Variants in RBFOX1 observed in about 807,000 individuals in gnomAD.
The protein encoded by RBFOX1 is RNA binding fox-1 homolog 1, also known as RNA binding protein fox-1 homolog 1.
RBFOX1 carries 8 observed loss-of-function variants against 57.7 expected under a neutral mutation model. That is an observed-to-expected ratio of 0.14 (90% CI 0.08 to 0.25). RBFOX1 has a LOEUF of 0.25. Ranked by LOEUF, RBFOX1 falls within the 10% of genes least tolerant of loss-of-function variation. The probability of loss-of-function intolerance (pLI) is 1.00; values close to 1 mark genes in which losing one functional copy is unlikely to be tolerated. For missense variants in RBFOX1, 611 were observed against 548.5 expected (o/e 1.11, Z -1.14); for synonymous variants, 326 against 222.4 (o/e 1.47, Z -4.15).
At chr16:7,210,890 G>A (rs1417968149) in intron 4 of RBFOX1, among the ~76,000 whole-genome samples, 2 of 151,716 alleles carry the variant, frequency 1.3e-5, no homozygotes, top group African/African-American at 2.4e-5. Context: ...CAAAAGGGTA[G>A]ATTCTAGGTA....
At chr16:5,709,576 C>G (rs987345386) in intron 3 of RBFOX1, among the ~76,000 whole-genome samples, 2 of 151,434 alleles carry the variant, frequency 1.3e-5, no homozygotes, top group African/African-American at 4.9e-5. Context: ...TCTCCCAGGC[C>G]TCCTCCTGAC....
intron 4 of RBFOX1, among the ~76,000 whole-genome samples, chr16:7,176,851 A>G (rs67122844): frequency 0.21 from 32,222 of 152,160 alleles, 4,100 homozygotes; most frequent in East Asian, 0.42. Flanking sequence ...AAATACAGAA[A>G]TGTAAGACAG....
In RBFOX1 at chr16:6,791,776, C is replaced by G. The variant is rs569165808; in HGVS notation, c.-16+137126C>G. 1.3e-4 allele frequency among the ~76,000 whole-genome samples: 20 copies of G among 152,154 alleles called. 1 individual carries two copies. The highest frequency in any genetic ancestry group is 4.3e-4 in the African/African-American group (18 of 41,546). ...AGTCTGTCTCAAAAAAAGCATCAAA[C>G]CAGGTGCAGGACCCTTTGAGTGGCA... On this transcript the variant is annotated intron_variant, in intron 3 of 15. Coordinates refer to ENST00000550418, the MANE Select transcript of RBFOX1 (RefSeq NM_018723.4).
intron 3 of RBFOX1, among the ~76,000 whole-genome samples, chr16:6,974,333 T>C (rs990700086): frequency 7.2e-6 from 1 of 138,612 alleles, no homozygotes; most frequent in Admixed American, 7.7e-5. Context: ...TTTTTTTCTT[T>C]TTCTTTTTTT....
chr16:7,477,675 A>G (rs528840446), intron 4 of RBFOX1, among the ~76,000 whole-genome samples: 2 of 152,290 alleles, frequency 1.3e-5, no homozygotes, highest in Admixed American at 6.5e-5. Context: ...AGTCCACTGC[A>G]TTGGTTTTAA....
At chr16:6,491,952 T>G (rs1184598071) in intron 2 of RBFOX1, among the ~76,000 whole-genome samples, 2 of 152,196 alleles carry the variant, frequency 1.3e-5, no homozygotes, top group Non-Finnish European at 2.9e-5. Flanking sequence ...TCTTATCATC[T>G]TGGCAAATTA....
chr16:5,267,651 T>A (rs1166194859), intron 1 of RBFOX1, among the ~76,000 whole-genome samples: 2 of 152,222 alleles, frequency 1.3e-5, no homozygotes, highest in East Asian at 3.8e-4. Context: ...TTGAGGAATT[T>A]GGCCACAGTC....
At chr16:7,588,221 G>A (rs7192580) in intron 7 of RBFOX1, among the ~76,000 whole-genome samples, 94,380 of 151,982 alleles carry the variant, frequency 0.62, 30,014 homozygotes, top group Non-Finnish European at 0.69. Context: ...TGGGAGAAGA[G>A]AAAAACAGAA....
chr16:7,593,838 A>G (rs540272938), intron 7 of RBFOX1, among the ~76,000 whole-genome samples: 1 of 152,206 alleles, frequency 6.6e-6, no homozygotes, highest in East Asian at 1.9e-4. Context: ...GTGGATTCTG[A>G]GGTACAGCTG....
chr16:6,909,769 A>T (rs2071080405), intron 3 of RBFOX1, among the ~76,000 whole-genome samples: 1 of 151,990 alleles, frequency 6.6e-6, no homozygotes, highest in Non-Finnish European at 1.5e-5. Context: ...TTTTCTCCCG[A>T]GTGTGGTTCT....
intron 2 of RBFOX1, among the ~76,000 whole-genome samples, chr16:6,578,084 G>A (rs2153967838): frequency 1.3e-5 from 2 of 152,170 alleles, no homozygotes; most frequent in African/African-American, 2.4e-5. Flanking sequence ...AAGGTAATAA[G>A]TTAGTCCTCA....
At position 7,388,644 on chromosome 16, in the gene RBFOX1, CTTTTTTT is replaced by C. The variant is rs61629644; in HGVS notation, c.28-129484_28-129478del. Among the ~76,000 whole-genome samples the C allele has an allele frequency of 2.6e-3, 239 of 92,608 alleles. 2 individuals carry two copies. Among genetic ancestry groups the C allele is most frequent in the South Asian group, 8.0e-3 (18 of 2,254 alleles). 60.8% of individuals were successfully genotyped at this position (92,608 alleles called of 152,430 possible). A position where few individuals can be genotyped will look rare whatever the true frequency, so the allele number is the denominator to read the frequency against. On this transcript the variant is annotated intron_variant, in intron 4 of 15. Transcript: ENST00000550418. The stretch of plus-strand genomic sequence containing the variant: ...CCCAACTTAAAAGTGGTTTCACTTA[CTTTTTTT>C]TTTTTTTTTTTTTTTTTTGACATTA...
intron 3 of RBFOX1, among the ~76,000 whole-genome samples, chr16:6,960,258 C>T (rs1431731094): frequency 6.6e-6 from 1 of 152,116 alleles, no homozygotes; most frequent in Non-Finnish European, 1.5e-5. Flanking sequence ...ACTGAGGCTG[C>T]AGAGGAAGGT....
intron 3 of RBFOX1, among the ~76,000 whole-genome samples, chr16:6,684,817 T>C (rs915967635): frequency 6.6e-6 from 1 of 152,242 alleles, no homozygotes; most frequent in Non-Finnish European, 1.5e-5. Context: ...AAAGCATTTC[T>C]TTTTTCTCTT....
intron 4 of RBFOX1, among the ~76,000 whole-genome samples, chr16:5,977,338 G>A (rs17139039): frequency 0.014 from 2,200 of 152,216 alleles, 41 homozygotes; most frequent in African/African-American, 0.05. Flanking sequence ...AGGCCAGCCC[G>A]TCATGCAGAG....
At chr16:7,482,120 C>T (rs976555636) in intron 4 of RBFOX1, among the ~76,000 whole-genome samples, 1 of 152,214 alleles carries the variant, frequency 6.6e-6, no homozygotes, top group Non-Finnish European at 1.5e-5. Flanking sequence ...ACAAGTCCTC[C>T]TGCTCTATAG....
chr16:5,743,006 A>G (rs1384683539), intron 3 of RBFOX1, among the ~76,000 whole-genome samples: 1 of 152,204 alleles, frequency 6.6e-6, no homozygotes, highest in East Asian at 1.9e-4. Flanking sequence ...TGCATTAACA[A>G]TAGAGATAGC....
At chr16:7,274,403 G>C (rs367657476) in intron 4 of RBFOX1, among the ~76,000 whole-genome samples, 6 of 152,058 alleles carry the variant, frequency 3.9e-5, no homozygotes, top group African/African-American at 1.4e-4. Context: ...AAACTGTAAA[G>C]CACACCCCTC....
At chr16:5,892,668 G>T (rs547286502) in intron 4 of RBFOX1, among the ~76,000 whole-genome samples, 1 of 152,272 alleles carries the variant, frequency 6.6e-6, no homozygotes, top group African/African-American at 2.4e-5. Context: ...AATTCACCCT[G>T]CTAAAGACGG....
Sources: gnomAD v4.1 joint callset for allele counts (sites outside exome capture counted in the v4.1 genomes callset) on GRCh38, gnomAD v4.1.1 for gene constraint, MANE v1.5 for transcripts, NCBI Gene and HGNC (gene_info 2026-07-23, HGNC 2026-07-21) for gene names.